The following PARD3B variants were observed in gnomAD, a reference collection of about 807,000 sequenced individuals.
PARD3B encodes the protein par-3 family cell polarity regulator beta.
In PARD3B, 103 loss-of-function variants were observed where a neutral mutation model predicts 130.2. The ratio of observed to expected loss-of-function variants is 0.79; its 90% CI spans 0.67 to 0.93. PARD3B has a LOEUF of 0.93. Ranked by LOEUF, PARD3B falls within the 40% of genes least tolerant of loss-of-function variation. PARD3B has a pLI of 0.00. For missense variants in PARD3B, 1,609 were observed against 1,499.2 expected (o/e 1.07, Z -1.21); for synonymous variants, 583 against 553.2 (o/e 1.05, Z -0.76).
At chr2:205,284,157 A>G (rs1318770659) in intron 16 of PARD3B, among the ~76,000 whole-genome samples, 1 of 152,200 alleles carries the variant, frequency 6.6e-6, no homozygotes, top group East Asian at 1.9e-4. Flanking sequence ...GGGGAAAAAA[A>G]TTATTTCACC....
At chr2:205,014,905 G>A (rs1300441794) in intron 3 of PARD3B, among the ~76,000 whole-genome samples, 1 of 152,152 alleles carries the variant, frequency 6.6e-6, no homozygotes, top group African/African-American at 2.4e-5. Flanking sequence ...CTGTACTGTA[G>A]GCTGCAAAGA....
chr2:205,580,520 C>T (rs923721247), intron 22 of PARD3B, among the ~76,000 whole-genome samples: 1 of 152,172 alleles, frequency 6.6e-6, no homozygotes, highest in African/African-American at 2.4e-5. Flanking sequence ...TGAGAACACA[C>T]ATCAACAACT....
rs2053159780 is a variant in PARD3B, at chr2:205,562,118, A to C, written c.3260+8715A>C. ...GCATGTAATATCACTTTAAGATGCC[A>C]AACAGCTGAGATCAGGGGGTTAATG... On this transcript the variant is annotated intron_variant, in intron 22 of 22. Coordinates refer to ENST00000406610, the MANE Select transcript of PARD3B (RefSeq NM_001302769.2). This position sits in a 1 kb window ranked among gnomAD's most constrained non-coding sequence, Gnocchi z 5.4. 6.6e-6 allele frequency among the ~76,000 whole-genome samples: 1 copy of C among 152,190 alleles called. No homozygotes were observed. The highest frequency in any genetic ancestry group is 1.5e-5 in the Non-Finnish European group (1 of 68,028).
intron 3 of PARD3B, among the ~76,000 whole-genome samples, chr2:205,028,526 C>T (rs1050504609): frequency 2.6e-5 from 4 of 152,056 alleles, no homozygotes; most frequent in African/African-American, 9.7e-5. Flanking sequence ...TTAAGGTTAA[C>T]AGGAGCAGAC....
chr2:204,940,645 A>G (rs949382857), intron 2 of PARD3B, among the ~76,000 whole-genome samples: 1 of 152,232 alleles, frequency 6.6e-6, no homozygotes, highest in Non-Finnish European at 1.5e-5. Context: ...TTCTGGGAAC[A>G]GTTCACTAGC....
At chr2:204,595,627 T>C (rs910060842) in intron 1 of PARD3B, among the ~76,000 whole-genome samples, 3 of 152,248 alleles carry the variant, frequency 2.0e-5, no homozygotes, top group African/African-American at 7.2e-5. Flanking sequence ...CATTTCTGTA[T>C]GTTAGTCAAT....
At chr2:204,881,314 C>T (rs992619839) in intron 2 of PARD3B, among the ~76,000 whole-genome samples, 6 of 151,898 alleles carry the variant, frequency 4.0e-5, no homozygotes, top group Non-Finnish European at 7.4e-5. Flanking sequence ...AAATCCCTTT[C>T]GGTGGGGGGT....
At chr2:204,984,917 G>A (rs187288375) in intron 3 of PARD3B, among the ~76,000 whole-genome samples, 3 of 95,928 alleles carry the variant, frequency 3.1e-5, no homozygotes, top group East Asian at 2.9e-4. Flanking sequence ...CCACCCCCCC[G>A]CACCCCACCC....
intron 2 of PARD3B, among the ~76,000 whole-genome samples, chr2:204,823,932 T>A (rs2043467545): frequency 7.1e-6 from 1 of 140,266 alleles, no homozygotes; most frequent in Non-Finnish European, 1.5e-5. Flanking sequence ...AAAGTGAGAC[T>A]CAGTCTCAAA....
chr2:205,145,327 G>A (rs564070059), intron 10 of PARD3B, among the ~76,000 whole-genome samples: 2 of 128,462 alleles, frequency 1.6e-5, no homozygotes, highest in South Asian at 2.5e-4. Context: ...CGCCGCCCCC[G>A]CAAAAAAAAA....
intron 2 of PARD3B, among the ~76,000 whole-genome samples, chr2:204,746,849 T>C (rs1330582741): frequency 6.6e-6 from 1 of 152,212 alleles, no homozygotes; most frequent in South Asian, 2.1e-4. Flanking sequence ...GTAAATTTGT[T>C]TGAGTTCTTT....
rs918468712 is a variant in PARD3B, at chr2:204,675,465, C to T, written c.121-10716C>T. Among the ~76,000 whole-genome samples the T allele has an allele frequency of 4.6e-4, 70 of 152,040 alleles. No individual in the cohort carries two copies. Among genetic ancestry groups the T allele is most frequent in the African/African-American group, 1.7e-3 (69 of 41,484 alleles). ...CATTTAAGAGTGAGCCTTTAACTCA[C>T]TCCTAGAGCTGTAGGAAAATGAAAT... On this transcript the variant is annotated intron_variant, in intron 1 of 22. Transcript: ENST00000406610. The surrounding 1 kb of genome is among the most constrained non-coding windows in gnomAD (Gnocchi z 4.4).
chr2:205,424,205 G>A (rs1471808243), intron 19 of PARD3B, among the ~76,000 whole-genome samples: 1 of 152,136 alleles, frequency 6.6e-6, no homozygotes, highest in Admixed American at 6.5e-5. Context: ...AACTCTCTAT[G>A]ATGCAGAGAA....
At chr2:205,153,408 A>C (rs2033894927) in intron 10 of PARD3B, among the ~76,000 whole-genome samples, 2 of 152,234 alleles carry the variant, frequency 1.3e-5, no homozygotes, top group African/African-American at 4.8e-5. Flanking sequence ...TTGGAACAAA[A>C]TGGAAGAACA....
chr2:205,431,202 A>AATCCC (rs2047320259), intron 19 of PARD3B, among the ~76,000 whole-genome samples: 1 of 152,044 alleles, frequency 6.6e-6, no homozygotes, highest in Admixed American at 6.6e-5. Flanking sequence ...TCAGCCTCCC[A>AATCCC]AGTAGCTGGG....
At chr2:205,610,486 G>A (rs983671286) in intron 22 of PARD3B, among the ~76,000 whole-genome samples, 8 of 152,292 alleles carry the variant, frequency 5.3e-5, no homozygotes, top group African/African-American at 1.9e-4. Context: ...CGCTTAGCCT[G>A]TACCTAGTAA....
intron 2 of PARD3B, among the ~76,000 whole-genome samples, chr2:204,773,203 A>G (rs560514104): frequency 9.8e-4 from 149 of 152,090 alleles, no homozygotes; most frequent in Admixed American, 1.8e-3. Context: ...TGGCTTCTAT[A>G]TAAAATGCAC....
At position 205,118,974 on chromosome 2, in the gene PARD3B, A is replaced by C; in HGVS notation, c.734A>C (p.Glu245Ala). Residue 245 changes from glutamate to alanine, a missense_variant, in exon 7 of 23, where the codon GAG becomes GCG. By Grantham distance (107) the Glu-to-Ala change is moderately radical. Coordinates refer to ENST00000406610, the MANE Select transcript of PARD3B (RefSeq NM_001302769.2). ...GIEDNSRSKREGLFHENECIV... is the reference protein window; with the variant it reads ...GIEDNSRSKRAGLFHENECIV... The stretch of plus-strand genomic sequence containing the variant: ...GAAGACAACAGCAGGTCCAAGCGGG[A>C]GGGACTATTTCACGAAAATGAATGT... 6.2e-7 allele frequency: 1 copy of C among 1,612,676 alleles called. No individual in the cohort carries two copies. The highest frequency in any genetic ancestry group is 8.5e-7 in the Non-Finnish European group (1 of 1,179,418).
At chr2:204,996,925 C>T (rs1048722449) in intron 3 of PARD3B, among the ~76,000 whole-genome samples, 1 of 151,864 alleles carries the variant, frequency 6.6e-6, no homozygotes, top group Non-Finnish European at 1.5e-5. Context: ...GGCAATGCCT[C>T]GCCCTGCTTC....
Sources: allele counts gnomAD v4.1 joint callset (sites outside exome capture counted in the v4.1 genomes callset), GRCh38; gene constraint gnomAD v4.1.1; non-coding constraint Gnocchi (gnomAD v3.1); transcripts MANE v1.5; gene names NCBI Gene and HGNC (gene_info 2026-07-23, HGNC 2026-07-21).